VWA8: variants seen among roughly 807,000 people sequenced by gnomAD.
VWA8 encodes von Willebrand factor A domain containing 8.
A neutral mutation model predicts 241.5 loss-of-function variants in VWA8; 221 were observed. The ratio of observed to expected loss-of-function variants is 0.91; its 90% CI spans 0.82 to 1.02. The LOEUF (loss-of-function observed/expected upper bound fraction) is 1.02. Among genes scored for constraint, VWA8 ranks in the 50% least tolerant of loss-of-function variants. The probability of loss-of-function intolerance (pLI) is 0.00; values close to 1 mark genes in which losing one functional copy is unlikely to be tolerated. For missense variants in VWA8, 2,322 were observed against 2,328.7 expected, an observed-to-expected ratio of 1.00 and a Z score of 0.06; for synonymous variants, 852 against 827.1, an observed-to-expected ratio of 1.03 and a Z score of -0.52.
intron 26 of VWA8, among the ~76,000 whole-genome samples, chr13:41,717,332 T>C (rs181285638): frequency 1.1e-4 from 17 of 151,922 alleles, no homozygotes; most frequent in Admixed American, 8.5e-4. Flanking sequence ...AAAATATTTT[T>C]AAAAATCAAA....
intron 15 of VWA8, among the ~76,000 whole-genome samples, chr13:41,817,208 C>T (rs2137981858): frequency 6.6e-6 from 1 of 152,266 alleles, no homozygotes; most frequent in South Asian, 2.1e-4. Context: ...ATCTTACATA[C>T]ATATCTAAGT....
chr13:41,901,889 A>ATAT (rs1367001978), intron 4 of VWA8, among the ~76,000 whole-genome samples: 6 of 83,326 alleles, frequency 7.2e-5, no homozygotes, highest in African/African-American at 2.0e-4. Context: ...AAAAAAAAAA[A>ATAT]ATATATATAT....
At chr13:41,631,338 C>T (rs2044725534) in intron 37 of VWA8, among the ~76,000 whole-genome samples, 1 of 151,968 alleles carries the variant, frequency 6.6e-6, no homozygotes. Context: ...CATCTTCTAA[C>T]AGGGGCAGGA....
intron 12 of VWA8, among the ~76,000 whole-genome samples, chr13:41,842,454 GA>G (rs1872102412): frequency 6.6e-6 from 1 of 152,152 alleles, no homozygotes; most frequent in African/African-American, 2.4e-5. Flanking sequence ...CTACTATGTT[GA>G]TTTCAGTTAC....
intron 37 of VWA8, among the ~76,000 whole-genome samples, chr13:41,664,559 T>G (rs2044974238): frequency 1.3e-5 from 2 of 152,082 alleles, no homozygotes; most frequent in African/African-American, 4.8e-5. Flanking sequence ...ATGGTTTCCC[T>G]CCTGTCCTAA....
rs1873417208 is a variant in VWA8, at chr13:41,868,440, GGAAGTAGAGAGCTTCCTGAATCTT to G, written c.1094_1117del (p.Gln365_Leu372del). 1 of 1,613,780 alleles carries G rather than the reference GGAAGTAGAGAGCTTCCTGAATCTT, an allele frequency of 6.2e-7. No homozygotes were observed. The highest frequency in any genetic ancestry group is 8.5e-7 in the Non-Finnish European group (1 of 1,179,942). On this transcript the variant is annotated inframe_deletion, in exon 10 of 45. Coordinates refer to ENST00000379310, the MANE Select transcript of VWA8 (RefSeq NM_015058.2). ...CTTCTCTACTTTTACAATCTCTTTA[GGAAGTAGAGAGCTTCCTGAATCTT>G]GAAGTTCAAAGCGCTGTAAAATTAC...
At chr13:41,719,216 A>G (rs986050079) in intron 26 of VWA8, 1 of 479,044 alleles carries the variant, frequency 2.1e-6, no homozygotes, top group Non-Finnish European at 2.8e-6. Context: ...AGTAACAGAA[A>G]TAAGAACATA....
At chr13:41,927,632 G>T (rs963667002) in intron 2 of VWA8, among the ~76,000 whole-genome samples, 3 of 150,634 alleles carry the variant, frequency 2.0e-5, no homozygotes, top group African/African-American at 2.4e-5. Context: ...TACAGAGAAA[G>T]AAATCAAAGC....
chr13:41,730,788 A>C (rs2045476593), intron 22 of VWA8, among the ~76,000 whole-genome samples: 1 of 152,076 alleles, frequency 6.6e-6, no homozygotes, highest in Admixed American at 6.5e-5. Context: ...AATTTTTCTC[A>C]TAGGATGGTA....
intron 14 of VWA8, among the ~76,000 whole-genome samples, chr13:41,820,003 TA>T (rs1870881166): frequency 6.6e-6 from 1 of 152,188 alleles, no homozygotes; most frequent in African/African-American, 2.4e-5. Context: ...TGATCTCTCT[TA>T]AAACTCTCTG....
chr13:41,886,752 T>A, intron 7 of VWA8, 29 bp downstream of exon 7: 1 of 1,543,742 alleles, frequency 6.5e-7, no homozygotes, highest in Non-Finnish European at 8.8e-7. Flanking sequence ...CAATATTCAG[T>A]GTCCAGACAT....
intron 37 of VWA8, among the ~76,000 whole-genome samples, chr13:41,624,674 C>T (rs990694650): frequency 3.3e-5 from 5 of 152,134 alleles, no homozygotes; most frequent in African/African-American, 1.2e-4. Context: ...AAACACACTT[C>T]AAAATAATAA....
At chr13:41,941,767 C>T (rs1877611102) in intron 2 of VWA8, among the ~76,000 whole-genome samples, 1 of 152,178 alleles carries the variant, frequency 6.6e-6, no homozygotes, top group Non-Finnish European at 1.5e-5. Context: ...TTCATATATG[C>T]TATTTGATTT....
At chr13:41,778,246 A>C (rs1868709051) in intron 19 of VWA8, among the ~76,000 whole-genome samples, 190 bp from the exon 20 acceptor site, 1 of 152,180 alleles carries the variant, frequency 6.6e-6, no homozygotes, top group Admixed American at 6.5e-5. Flanking sequence ...ACTGATACTG[A>C]AAACTTGAAA....
At position 41,691,892 on chromosome 13, in the gene VWA8, A is replaced by C. The variant is rs747857238; in HGVS notation, c.3722T>G (p.Val1241Gly). 6.2e-7 allele frequency: 1 copy of C among 1,610,758 alleles called. No individual in the cohort carries two copies. Among genetic ancestry groups the C allele is most frequent in the South Asian group, 1.1e-5 (1 of 90,908 alleles). ...AGCTCACCCTTTTTCTTTGTAGAAC[A>C]CCAGCCAGTTTTTGTGTGAAAATTC... ...CKEFSHKNWLVFYKEKGNSLT... is the reference protein window; with the variant it reads ...CKEFSHKNWLGFYKEKGNSLT... The change falls in exon 31 of 45, where the codon GTG becomes GGG. Residue 1241 changes from valine (V) to glycine (G), a missense_variant. By Grantham distance (109) the Val-to-Gly change is moderately radical (BLOSUM62 -3). Coordinates refer to ENST00000379310, the MANE Select transcript of VWA8 (RefSeq NM_015058.2).
intron 32 of VWA8, among the ~76,000 whole-genome samples, chr13:41,690,661 T>C (rs1220081529): frequency 6.6e-6 from 1 of 152,252 alleles, no homozygotes; most frequent in South Asian, 2.1e-4. Flanking sequence ...CTCACAACTG[T>C]AGTCTCCTTG....
Position 41,675,311 on chromosome 13 carries a change from T to G in VWA8, c.4328-15A>C, listed in dbSNP as rs759495829. The stretch of plus-strand genomic sequence containing the variant: ...AGGAGTAACATCTACAAACAAGTCA[T>G]GACATGAGCCAAGTATTAAATTACT... On this transcript the variant is annotated splice_polypyrimidine_tract_variant and intron_variant, in intron 35 of 44. Coordinates refer to ENST00000379310, the MANE Select transcript of VWA8 (RefSeq NM_015058.2). The G allele has an allele frequency of 6.3e-7, 1 of 1,588,474 alleles. No individual in the cohort carries two copies. Among genetic ancestry groups the G allele is most frequent in the Non-Finnish European group, 8.6e-7 (1 of 1,160,190 alleles).
chr13:41,817,575 T>C (rs1870752995), intron 15 of VWA8, among the ~76,000 whole-genome samples: 1 of 152,220 alleles, frequency 6.6e-6, no homozygotes, highest in Non-Finnish European at 1.5e-5. Context: ...CTAGTCCACA[T>C]ATACTTTGTT....
At chr13:41,747,047 G>A (rs570721174) in intron 21 of VWA8, among the ~76,000 whole-genome samples, 2 of 152,234 alleles carry the variant, frequency 1.3e-5, no homozygotes, top group East Asian at 3.9e-4. Flanking sequence ...CTCCAGCTTT[G>A]TTCTTTTGGC....
Sources: allele counts gnomAD v4.1 joint callset (sites outside exome capture counted in the v4.1 genomes callset), GRCh38; gene constraint gnomAD v4.1.1; transcripts MANE v1.5; gene names NCBI Gene and HGNC (gene_info 2026-07-23, HGNC 2026-07-21).